Variants in OSTN observed in about 807,000 individuals in gnomAD.
OSTN encodes the protein osteocrin.
Under a neutral mutation model 12.0 loss-of-function variants are expected in OSTN, and 9 were observed. The ratio of observed to expected loss-of-function variants is 0.75; its 90% CI spans 0.45 to 1.30. The LOEUF (loss-of-function observed/expected upper bound fraction) is 1.30, where lower values mean the gene tolerates loss of function less well. Ranked by LOEUF, OSTN falls within the 50% of genes most tolerant of loss-of-function variation. OSTN has a pLI of 0.00. For missense variants in OSTN, 148 were observed against 152.3 expected, an observed-to-expected ratio of 0.97 and a Z score of 0.15; for synonymous variants, 59 against 56.9, an observed-to-expected ratio of 1.04 and a Z score of -0.16.
chr3:191,258,855 T>C (rs1158049949), intron 4 of OSTN, among the ~76,000 whole-genome samples: 1 of 152,160 alleles, frequency 6.6e-6, no homozygotes, highest in Non-Finnish European at 1.5e-5. Context: ...GAAACAACTA[T>C]AGTTGGCCAT....
intron 3 of OSTN, among the ~76,000 whole-genome samples, chr3:191,246,043 G>GC (rs1715422682): frequency 2.2e-5 from 3 of 135,950 alleles, no homozygotes; most frequent in Non-Finnish European, 4.6e-5. Flanking sequence ...CTCCAGCCTG[G>GC]GCAATAAGAG....
At chr3:191,219,758 C>T (rs9861823) in intron 3 of OSTN, among the ~76,000 whole-genome samples, 52,098 of 152,102 alleles carry the variant, frequency 0.34, 11,132 homozygotes, top group African/African-American at 0.59. Flanking sequence ...ATTCCTTTAG[C>T]TCATCCTGAA....
At chr3:191,258,659 TA>T (rs71635349) in intron 4 of OSTN, among the ~76,000 whole-genome samples, 5,534 of 141,864 alleles carry the variant, frequency 0.039, 326 homozygotes, top group African/African-American at 0.13. Context: ...AAAGTATAAT[TA>T]AAAAAAAAAA....
At chr3:191,248,974 C>T (rs1715500144) in intron 3 of OSTN, among the ~76,000 whole-genome samples, 1 of 152,142 alleles carries the variant, frequency 6.6e-6, no homozygotes, top group South Asian at 2.1e-4. Context: ...TCTCTCATTG[C>T]AAAAGTGTTT....
chr3:191,249,757 G>C (rs999370190), intron 3 of OSTN, among the ~76,000 whole-genome samples: 1 of 152,172 alleles, frequency 6.6e-6, no homozygotes, highest in South Asian at 2.1e-4. Context: ...TTCGTATGCT[G>C]ATAAGACCTG....
chr3:191,226,318 G>T (rs1560118022), intron 3 of OSTN, among the ~76,000 whole-genome samples: 2 of 152,072 alleles, frequency 1.3e-5, no homozygotes. Flanking sequence ...GACAGAAGAG[G>T]TATTTGACAA....
chr3:191,227,599 A>G (rs1443057710), intron 3 of OSTN, among the ~76,000 whole-genome samples: 2 of 152,196 alleles, frequency 1.3e-5, no homozygotes, highest in African/African-American at 4.8e-5. Context: ...AAAATTATAA[A>G]CAAAATACAG....
In OSTN at chr3:191,265,250, T is replaced by C. The variant is rs796168765; in HGVS notation, c.*2397T>C. ...ACTTTTTTGTTTTGTTTCAAAATAA[T>C]GCATTACTTTTTTCTCTTTGCTTCT... is the stretch of plus-strand genomic sequence containing the variant. On this transcript the variant is annotated 3_prime_UTR_variant, in exon 5 of 5. Transcript: ENST00000682035. The C allele has an allele frequency of 2.0e-4, 31 of 152,332 alleles. 1 individual carries two copies. The highest frequency in any genetic ancestry group is 7.5e-4 in the African/African-American group (31 of 41,590). The allele number at this position is 152,332 out of a possible 1,614,324, so 9.4% of individuals were successfully genotyped here.
Position 191,219,165 on chromosome 3 carries a change from T to A in OSTN, c.317+204T>A, listed in dbSNP as rs1172306482. Among the ~76,000 whole-genome samples, 3 of 152,206 alleles carry A rather than the reference T, an allele frequency of 2.0e-5. 1 individual carries two copies. Among genetic ancestry groups the A allele is most frequent in the Admixed American group, 1.3e-4 (2 of 15,290 alleles). ...GCAAAATGACTGCCGCAGTGTGCCT[T>A]AGCATTTTTGTCATGTTTCCTAAGA... On this transcript the variant is annotated intron_variant, in intron 3 of 4. Coordinates refer to ENST00000682035, the MANE Select transcript of OSTN (RefSeq NM_198184.2).
chr3:191,246,885 C>T (rs1414072820), intron 3 of OSTN, among the ~76,000 whole-genome samples: 2 of 152,226 alleles, frequency 1.3e-5, no homozygotes. Context: ...CTCTGACTCA[C>T]TCTTAGTCAG....
intron 2 of OSTN, among the ~76,000 whole-genome samples, chr3:191,213,796 T>TA (rs1336572190): frequency 6.6e-6 from 1 of 151,908 alleles, no homozygotes; most frequent in Non-Finnish European, 1.5e-5. Context: ...GGATGTTTCT[T>TA]AAAAAAACGA....
rs1714693803 is a variant in OSTN, at chr3:191,218,914, C to G, written c.270C>G (p.Pro90=). The G allele has an allele frequency of 6.2e-7, 1 of 1,613,878 alleles. No homozygotes were observed. Among genetic ancestry groups the G allele is most frequent in the Non-Finnish European group, 8.5e-7 (1 of 1,179,958 alleles). The part of the protein sequence containing the change: ...KKRSFSGFGS[P]LDRLSAGSVD... ...GGAGTTTCTCTGGTTTTGGGTCTCC[C>G]CTTGACAGACTCTCAGCTGGCTCTG... The change falls in exon 3 of 5, where the codon CCC becomes CCG. Residue 90 remains proline (P), a synonymous_variant. Coordinates refer to ENST00000682035, the MANE Select transcript of OSTN (RefSeq NM_198184.2).
At chr3:191,219,549 G>A (rs1298001114) in intron 3 of OSTN, among the ~76,000 whole-genome samples, 1 of 152,196 alleles carries the variant, frequency 6.6e-6, no homozygotes, top group Non-Finnish European at 1.5e-5. Flanking sequence ...ATAATCAAAT[G>A]TAAGTGCTTC....
At chr3:191,211,366 A>T (rs77250381) in intron 1 of OSTN, among the ~76,000 whole-genome samples, 2,522 of 152,308 alleles carry the variant, frequency 0.017, 56 homozygotes, top group African/African-American at 0.056. Context: ...TTAAATCAGT[A>T]GTCTGAAAAA....
intron 1 of OSTN, among the ~76,000 whole-genome samples, chr3:191,208,916 G>C (rs145574261): frequency 0.014 from 2,136 of 152,316 alleles, 60 homozygotes; most frequent in African/African-American, 0.049. Context: ...CCAGCACTTT[G>C]GGAGTCTAAG....
chr3:191,222,790 G>A (rs1042373251), intron 3 of OSTN, among the ~76,000 whole-genome samples: 3 of 152,080 alleles, frequency 2.0e-5, no homozygotes, highest in African/African-American at 7.2e-5. Flanking sequence ...AGGACCAGTG[G>A]GAGGTAATTG....
At chr3:191,236,190 C>A (rs1158233559) in intron 3 of OSTN, among the ~76,000 whole-genome samples, 1 of 152,224 alleles carries the variant, frequency 6.6e-6, no homozygotes, top group East Asian at 1.9e-4. Flanking sequence ...ATACTTCCCA[C>A]ATACTTTCTC....
chr3:191,199,735 CCTAAA>C (rs1226672122), intron 1 of OSTN, among the ~76,000 whole-genome samples: 1 of 151,928 alleles, frequency 6.6e-6, no homozygotes, highest in African/African-American at 2.4e-5. Context: ...AAGAAACATC[CCTAAA>C]CTAATGAAAT....
intron 3 of OSTN, among the ~76,000 whole-genome samples, chr3:191,241,420 G>A (rs1480824231): frequency 2.0e-5 from 3 of 151,750 alleles, no homozygotes; most frequent in African/African-American, 7.3e-5. Flanking sequence ...TCCTGACCTC[G>A]TGATCCACCC....
Sources: gnomAD v4.1 joint callset for allele counts (sites outside exome capture counted in the v4.1 genomes callset) on GRCh38, gnomAD v4.1.1 for gene constraint, MANE v1.5 for transcripts, NCBI Gene and HGNC (gene_info 2026-07-23, HGNC 2026-07-21) for gene names.